Variants in CSMD1 observed in about 807,000 individuals in gnomAD.
CSMD1 encodes CUB and Sushi multiple domains 1.
A neutral mutation model predicts 417.5 loss-of-function variants in CSMD1; 213 were observed. That is an observed-to-expected ratio of 0.51 (90% confidence interval 0.46 to 0.57). The LOEUF is 0.57. Ranked by LOEUF, CSMD1 falls within the 20% of genes least tolerant of loss-of-function variation. CSMD1 has a pLI of 0.00. For synonymous variants in CSMD1, 2,862 were observed against 1,736.8 expected, an observed-to-expected ratio of 1.65 and a Z score of -16.11; for missense variants, 6,923 against 4,529.7, an observed-to-expected ratio of 1.53 and a Z score of -15.17.
At chr8:3,019,446 G>C (rs1809163499) in intron 51 of CSMD1, among the ~76,000 whole-genome samples, 1 of 152,206 alleles carries the variant, frequency 6.6e-6, no homozygotes, top group Non-Finnish European at 1.5e-5. Context: ...AAGCCCATCA[G>C]CTGGGACAAA....
chr8:3,247,933 G>T (rs1452121885), intron 26 of CSMD1, among the ~76,000 whole-genome samples: 5 of 152,150 alleles, frequency 3.3e-5, no homozygotes, highest in African/African-American at 1.2e-4. Context: ...TGATGACTTA[G>T]GAATTCTCAA....
At chr8:3,956,952 T>G (rs1484132215) in intron 5 of CSMD1, among the ~76,000 whole-genome samples, 5 of 152,162 alleles carry the variant, frequency 3.3e-5, no homozygotes, top group East Asian at 3.9e-4. Context: ...TATTACTTTT[T>G]CTATACGGAA....
chr8:3,482,743 T>C (rs935344213), intron 11 of CSMD1, among the ~76,000 whole-genome samples: 5 of 152,186 alleles, frequency 3.3e-5, no homozygotes, highest in African/African-American at 1.2e-4. Flanking sequence ...TAATAGATCT[T>C]GACATATTCA....
In CSMD1 at chr8:4,290,966, A is replaced by G. The variant is rs141471433; in HGVS notation, c.415+128987T>C. ...TTTCTTTCTAAAATTTAGAGGGGCA[A>G]AATTTCATCTCCCTAAATTGTATTT... On this transcript the variant is annotated intron_variant, in intron 3 of 69. Coordinates refer to ENST00000635120, the MANE Select transcript of CSMD1 (RefSeq NM_033225.6). 5.0e-4 allele frequency among the ~76,000 whole-genome samples: 76 copies of G among 152,320 alleles called. 1 individual carries two copies. Among genetic ancestry groups the G allele is most frequent in the African/African-American group, 1.7e-3 (72 of 41,574 alleles).
At chr8:4,435,195 A>T (rs960957745) in intron 2 of CSMD1, among the ~76,000 whole-genome samples, 10 of 152,196 alleles carry the variant, frequency 6.6e-5, no homozygotes, top group African/African-American at 2.4e-4. Flanking sequence ...AAATTGATAC[A>T]CAAGTACATC....
intron 41 of CSMD1, among the ~76,000 whole-genome samples, chr8:3,134,119 C>T (rs933295623): frequency 1.3e-5 from 2 of 151,966 alleles, no homozygotes; most frequent in Non-Finnish European, 2.9e-5. Context: ...TTGCAGTGAG[C>T]CGAGAGTGTA....
chr8:4,565,743 T>A (rs1221784439), intron 2 of CSMD1, among the ~76,000 whole-genome samples: 4 of 83,478 alleles, frequency 4.8e-5, no homozygotes, highest in East Asian at 3.3e-4. Context: ...TTAAAAAAAA[T>A]ATATACATAT....
intron 1 of CSMD1, among the ~76,000 whole-genome samples, chr8:4,718,269 G>A (rs527981761): frequency 6.6e-6 from 1 of 152,274 alleles, no homozygotes; most frequent in South Asian, 2.1e-4. Context: ...GAGCCACCAT[G>A]CTAAACCATA....
At chr8:3,351,353 G>A (rs1243595179) in intron 21 of CSMD1, among the ~76,000 whole-genome samples, 3 of 152,040 alleles carry the variant, frequency 2.0e-5, no homozygotes, top group Admixed American at 6.6e-5. Context: ...ACCCATGCCT[G>A]TAATCCCAGC....
intron 5 of CSMD1, among the ~76,000 whole-genome samples, chr8:3,758,497 C>T (rs143736641): frequency 3.3e-5 from 5 of 152,160 alleles, no homozygotes; most frequent in Admixed American, 2.0e-4. Context: ...GTTATTCTAT[C>T]GCTGTCTACA....
intron 54 of CSMD1, among the ~76,000 whole-genome samples, chr8:2,986,822 C>G (rs1805952437): frequency 6.6e-6 from 1 of 151,804 alleles, no homozygotes; most frequent in African/African-American, 2.4e-5. Flanking sequence ...CATTTTTTAC[C>G]AAAGAAAATA....
At chr8:4,170,684 C>A (rs1797720244) in intron 3 of CSMD1, among the ~76,000 whole-genome samples, 1 of 151,358 alleles carries the variant, frequency 6.6e-6, no homozygotes, top group Non-Finnish European at 1.5e-5. Flanking sequence ...GGAGCTAGAA[C>A]TCTGACAAAA....
intron 2 of CSMD1, among the ~76,000 whole-genome samples, chr8:4,582,516 C>T (rs1434707972): frequency 1.3e-5 from 2 of 152,152 alleles, no homozygotes; most frequent in Admixed American, 6.5e-5. Context: ...AAACTAAGTC[C>T]TGTAGTCTCA....
chr8:4,851,501 G>A (rs547419801), intron 1 of CSMD1, among the ~76,000 whole-genome samples: 70 of 151,328 alleles, frequency 4.6e-4, no homozygotes, highest in African/African-American at 1.3e-3. Context: ...CATCCATGGC[G>A]CTTCTCACTC....
At chr8:4,692,933 T>C (rs538313175) in intron 1 of CSMD1, among the ~76,000 whole-genome samples, 5 of 152,316 alleles carry the variant, frequency 3.3e-5, no homozygotes, top group East Asian at 1.9e-4. Context: ...TTTTGCCTCA[T>C]TGACAGTGGG....
intron 3 of CSMD1, among the ~76,000 whole-genome samples, chr8:4,309,040 C>T (rs1391574260): frequency 2.0e-5 from 3 of 152,072 alleles, no homozygotes; most frequent in African/African-American, 7.2e-5. Flanking sequence ...TGATGTCATT[C>T]TTCACACCTA....
intron 9 of CSMD1, among the ~76,000 whole-genome samples, chr8:3,581,758 C>T (rs1162533292): frequency 1.3e-5 from 2 of 152,048 alleles, no homozygotes; most frequent in Non-Finnish European, 2.9e-5. Flanking sequence ...CCTTTAGAGG[C>T]TAAGAATGAA....
At chr8:4,013,630 G>C (rs1412757076) in intron 4 of CSMD1, among the ~76,000 whole-genome samples, 1 of 152,138 alleles carries the variant, frequency 6.6e-6, no homozygotes, top group South Asian at 2.1e-4. Context: ...GCTTATTTAT[G>C]TTATCTATCT....
intron 2 of CSMD1, among the ~76,000 whole-genome samples, chr8:4,492,134 T>C (rs535839992): frequency 3.3e-5 from 5 of 152,302 alleles, no homozygotes; most frequent in South Asian, 4.1e-4. Flanking sequence ...TCTTACGCTA[T>C]TGTCCACGCT....
Sources: allele counts gnomAD v4.1 joint callset (sites outside exome capture counted in the v4.1 genomes callset), GRCh38; gene constraint gnomAD v4.1.1; transcripts MANE v1.5; gene names NCBI Gene and HGNC (gene_info 2026-07-23, HGNC 2026-07-21).